The following GRAMD2B variants were observed in gnomAD, a reference collection of about 807,000 sequenced individuals.
The protein encoded by GRAMD2B is GRAM domain containing 2B, also known as GRAM domain-containing protein 2B.
Under a neutral mutation model 59.2 loss-of-function variants are expected in GRAMD2B, and 41 were observed. That is an observed-to-expected ratio of 0.69 (90% CI 0.54 to 0.90). The LOEUF (loss-of-function observed/expected upper bound fraction) is 0.90. GRAMD2B is among the 40% of genes least tolerant of loss of function. GRAMD2B has a pLI of 0.00. For synonymous variants in GRAMD2B, 161 were observed against 182.7 expected (o/e 0.88, Z 0.96); for missense variants, 424 against 500.5 (o/e 0.85, Z 1.46).
intron 1 of GRAMD2B, among the ~76,000 whole-genome samples, chr5:126,396,396 T>A (rs1403889215): frequency 6.6e-6 from 1 of 152,220 alleles, no homozygotes; most frequent in African/African-American, 2.4e-5. Context: ...TTCTCATCAT[T>A]TAGCTCCCAG....
chr5:126,373,999 T>G (rs1754978544), intron 1 of GRAMD2B, among the ~76,000 whole-genome samples: 1 of 152,204 alleles, frequency 6.6e-6, no homozygotes, highest in African/African-American at 2.4e-5. Context: ...AAAAGAGCAC[T>G]CTGGCCTACT....
chr5:126,458,444 C>CAA (rs758455343), intron 1 of GRAMD2B, among the ~76,000 whole-genome samples: 1 of 124,242 alleles, frequency 8.0e-6, no homozygotes, highest in Admixed American at 8.0e-5. Flanking sequence ...CATCTCAAAA[C>CAA]AAAAAAAAAA....
upstream of GRAMD2B, chr5:126,423,152 A>C: frequency 1.0e-6 from 1 of 997,908 alleles, no homozygotes; most frequent in Non-Finnish European, 1.2e-6. Flanking sequence ...CGGTATCTAG[A>C]GCCGGCTGCC....
chr5:126,391,501 G>T lies in GRAMD2B; in HGVS notation c.125+19934G>T, dbSNP rs1756781801. Among the ~76,000 whole-genome samples, 4 of 151,736 alleles carry T rather than the reference G, an allele frequency of 2.6e-5. No individual in the cohort carries two copies. The South Asian group carries it at 8.4e-4, about 32-fold the overall frequency. On this transcript the variant is annotated intron_variant, in intron 1 of 8. Coordinates refer to the GRAMD2B transcript ENST00000506445. The stretch of plus-strand genomic sequence containing the variant: ...TAACACTTGTACATGGATATCCACA[G>T]CAGTATTATTTATAATAGCCAAAAA...
At chr5:126,471,988 C>T (rs1156942707) in intron 3 of GRAMD2B, among the ~76,000 whole-genome samples, 1 of 152,156 alleles carries the variant, frequency 6.6e-6, no homozygotes, top group Non-Finnish European at 1.5e-5. Context: ...CCTGTTACCT[C>T]GGCAGTAGGC....
intron 1 of GRAMD2B, among the ~76,000 whole-genome samples, chr5:126,404,117 C>A (rs776420666): frequency 6.6e-6 from 1 of 151,784 alleles, no homozygotes; most frequent in Non-Finnish European, 1.5e-5. Context: ...ATGTTAAATT[C>A]TCTGAGTGGA....
intron 1 of GRAMD2B, among the ~76,000 whole-genome samples, chr5:126,448,955 C>T (rs925256493): frequency 1.3e-5 from 2 of 152,160 alleles, no homozygotes; most frequent in Non-Finnish European, 2.9e-5. Context: ...CATGGTGTCA[C>T]GGGTATGAAT....
chr5:126,431,235 G>A (rs576280492), intron 1 of GRAMD2B, among the ~76,000 whole-genome samples: 6 of 152,092 alleles, frequency 3.9e-5, no homozygotes, highest in East Asian at 1.9e-4. Flanking sequence ...TGAACTTGGC[G>A]ACTTGAAGCA....
chr5:126,423,339 G>C (rs994747695), upstream of GRAMD2B: 37 of 1,308,962 alleles, frequency 2.8e-5, no homozygotes, highest in Admixed American at 8.6e-5. Flanking sequence ...CTGGGTTGGG[G>C]AAAGAGGCTG....
chr5:126,428,719 A>G (rs955941250), intron 1 of GRAMD2B, among the ~76,000 whole-genome samples: 1 of 152,128 alleles, frequency 6.6e-6, no homozygotes, highest in Non-Finnish European at 1.5e-5. Context: ...TTGAAGTTTA[A>G]ATGGGAAATG....
intron 1 of GRAMD2B, among the ~76,000 whole-genome samples, chr5:126,426,456 G>A (rs1003453842): frequency 2.0e-5 from 3 of 152,106 alleles, no homozygotes; most frequent in Non-Finnish European, 4.4e-5. Context: ...TTATTATGAC[G>A]ATTAATTAAC....
chr5:126,488,037 G>A (rs919599296), intron 12 of GRAMD2B, among the ~76,000 whole-genome samples: 5 of 152,190 alleles, frequency 3.3e-5, no homozygotes, highest in Non-Finnish European at 1.5e-5. Context: ...TATACTTTGA[G>A]AAATACTGTG....
chr5:126,385,064 T>G (rs1235560632), intron 1 of GRAMD2B, among the ~76,000 whole-genome samples: 1 of 152,204 alleles, frequency 6.6e-6, no homozygotes, highest in African/African-American at 2.4e-5. Flanking sequence ...AATGAAGACC[T>G]TCCCTGTTTG....
At chr5:126,471,517 C>G (rs1192974395) in intron 3 of GRAMD2B, among the ~76,000 whole-genome samples, 2 of 152,182 alleles carry the variant, frequency 1.3e-5, no homozygotes, top group Non-Finnish European at 2.9e-5. Context: ...TGGTCTTGGG[C>G]CTTCTGCTGC....
intron 1 of GRAMD2B, among the ~76,000 whole-genome samples, chr5:126,446,506 A>G (rs1000890670): frequency 7.2e-5 from 11 of 152,132 alleles, no homozygotes; most frequent in Non-Finnish European, 1.0e-4. Context: ...TGTTTCTAAT[A>G]AAATCCAGCA....
At chr5:126,453,966 A>G (rs532533729) in intron 1 of GRAMD2B, among the ~76,000 whole-genome samples, 1 of 152,350 alleles carries the variant, frequency 6.6e-6, no homozygotes, top group South Asian at 2.1e-4. Context: ...AATTTCTTAT[A>G]TTATTGATAA....
chr5:126,420,875 T>C (rs1034433066), upstream of GRAMD2B, among the ~76,000 whole-genome samples: 1 of 152,120 alleles, frequency 6.6e-6, no homozygotes, highest in Non-Finnish European at 1.5e-5. Flanking sequence ...AAATGTGGTA[T>C]ATACATGCAA....
chr5:126,374,902 C>T (rs1487233841), intron 1 of GRAMD2B, among the ~76,000 whole-genome samples: 3 of 152,172 alleles, frequency 2.0e-5, no homozygotes, highest in South Asian at 2.1e-4. Context: ...TGTTTCATTA[C>T]GTTGACCCTT....
intron 1 of GRAMD2B, 127 bp downstream of exon 1, chr5:126,423,816 G>T (rs533217833): frequency 3.2e-5 from 26 of 800,122 alleles, no homozygotes; most frequent in Non-Finnish European, 4.6e-5. Context: ...CTTGTGGCGC[G>T]CTCTCTCTGT....
Sources: allele counts gnomAD v4.1 joint callset (sites outside exome capture counted in the v4.1 genomes callset), GRCh38; gene constraint gnomAD v4.1.1; transcripts MANE v1.5; gene names NCBI Gene and HGNC (gene_info 2026-07-23, HGNC 2026-07-21).